The following ALKBH3 variants were observed in gnomAD, a reference collection of about 807,000 sequenced individuals.
ALKBH3 encodes the protein alpha-ketoglutarate-dependent dioxygenase alkB homolog 3.
A neutral mutation model predicts 43.9 loss-of-function variants in ALKBH3; 51 were observed. The ratio of observed to expected loss-of-function variants is 1.16; its 90% CI spans 0.93 to 1.47. The LOEUF is 1.47. Ranked by LOEUF, ALKBH3 falls within the 40% of genes most tolerant of loss-of-function variation. The probability of loss-of-function intolerance (pLI) is 0.00; values close to 1 mark genes in which losing one functional copy is unlikely to be tolerated. For synonymous variants in ALKBH3, 102 were observed against 115.2 expected (o/e 0.89, Z 0.73); for missense variants, 361 against 351.9 (o/e 1.03, Z -0.21).
intron 8 of ALKBH3, among the ~76,000 whole-genome samples, chr11:43,902,023 C>T (rs111611629): frequency 6.6e-6 from 1 of 152,134 alleles, no homozygotes; most frequent in Non-Finnish European, 1.5e-5. Context: ...TAAATATTGC[C>T]TATTACTCAA....
intron 7 of ALKBH3, among the ~76,000 whole-genome samples, chr11:43,892,373 C>T (rs988644551): frequency 6.6e-6 from 1 of 152,170 alleles, no homozygotes; most frequent in Non-Finnish European, 1.5e-5. Context: ...TATTTCTTCT[C>T]CTAATATCCC....
intron 8 of ALKBH3, among the ~76,000 whole-genome samples, chr11:43,918,236 G>T (rs1377070174): frequency 1.3e-5 from 2 of 152,184 alleles, no homozygotes; most frequent in African/African-American, 2.4e-5. Context: ...AGCTGTGGAG[G>T]AGCCACACTA....
intron 8 of ALKBH3, among the ~76,000 whole-genome samples, chr11:43,914,223 T>A (rs1212274937): frequency 6.6e-6 from 1 of 152,244 alleles, no homozygotes; most frequent in Non-Finnish European, 1.5e-5. Context: ...GCCGGGCCAA[T>A]CTACATTCAA....
chr11:43,915,391 A>G (rs1951975606), intron 8 of ALKBH3, among the ~76,000 whole-genome samples: 1 of 152,116 alleles, frequency 6.6e-6, no homozygotes, highest in Admixed American at 6.5e-5. Flanking sequence ...TCAAGAAAGC[A>G]GTTTGGTAAT....
intron 8 of ALKBH3, among the ~76,000 whole-genome samples, chr11:43,908,694 G>C (rs180996437): frequency 6.6e-6 from 1 of 152,156 alleles, no homozygotes; most frequent in Non-Finnish European, 1.5e-5. Flanking sequence ...CTCAAATTCG[G>C]TAACTTCTTA....
At chr11:43,919,603 A>T (rs1952010917) in intron 9 of ALKBH3, 2 of 324,056 alleles carry the variant, frequency 6.2e-6, no homozygotes, top group Non-Finnish European at 1.1e-5. Context: ...ATGGAATCTC[A>T]TGCCTCTCTT....
At chr11:43,882,823 T>C in intron 2 of ALKBH3, 92 bp downstream of exon 2, 1 of 1,322,968 alleles carries the variant, frequency 7.6e-7, no homozygotes, top group Non-Finnish European at 1.0e-6. Context: ...TGGACTTCCA[T>C]TTCAATTGAC....
intron 7 of ALKBH3, among the ~76,000 whole-genome samples, chr11:43,900,317 G>A (rs1054802117): frequency 6.3e-5 from 9 of 143,424 alleles, no homozygotes; most frequent in South Asian, 4.6e-4. Flanking sequence ...TCCGCCTCCC[G>A]GGTTCAAGTG....
chr11:43,916,392 A>T (rs1590383112), intron 8 of ALKBH3, among the ~76,000 whole-genome samples: 2 of 152,298 alleles, frequency 1.3e-5, no homozygotes, highest in South Asian at 2.1e-4. Context: ...ATAAAAATAC[A>T]TGTTTTTCGC....
chr11:43,914,191 G>A (rs1202550244), intron 8 of ALKBH3, among the ~76,000 whole-genome samples: 1 of 152,248 alleles, frequency 6.6e-6, no homozygotes, highest in African/African-American at 2.4e-5. Flanking sequence ...GCAGAGTATA[G>A]TGGAAAGAAT....
In ALKBH3 at chr11:43,916,037, T is replaced by C. The variant is rs61884013; in HGVS notation, c.670-3001T>C. Among the ~76,000 whole-genome samples the C allele has an allele frequency of 7.4e-3, 1,135 of 152,364 alleles. 6 individuals are homozygous for C. The highest frequency in any genetic ancestry group is 0.012 in the Non-Finnish European group (832 of 68,036). On this transcript the variant is annotated intron_variant, in intron 8 of 9. Coordinates refer to ENST00000302708, the MANE Select transcript of ALKBH3 (RefSeq NM_139178.4). ...CTTTTTATATTCTAGAAGGAAAACCTGTATGATGATTTTAAAGCATTGATG... is the reference window on the plus strand; with the variant it reads ...CTTTTTATATTCTAGAAGGAAAACCCGTATGATGATTTTAAAGCATTGATG...
chr11:43,885,811 T>A (rs988395702), intron 4 of ALKBH3, among the ~76,000 whole-genome samples: 5 of 152,142 alleles, frequency 3.3e-5, no homozygotes, highest in African/African-American at 1.2e-4. Flanking sequence ...TTGTACATCA[T>A]GAAAAAATAG....
chr11:43,895,646 T>A (rs1437062201), intron 7 of ALKBH3, among the ~76,000 whole-genome samples: 2 of 152,138 alleles, frequency 1.3e-5, no homozygotes, highest in Admixed American at 1.3e-4. Flanking sequence ...CATGAAACCT[T>A]TTTTGGGAAT....
In ALKBH3 at chr11:43,883,112, A is replaced by G; in HGVS notation, c.107A>G (p.Gln36Arg). Reference sequence around the variant, plus strand: ...ACCACTGCTAAGAGCCATCTCCACCAGAAGCCTGGCCAGACCTGGAAGAAC... The same window carrying G: ...ACCACTGCTAAGAGCCATCTCCACCGGAAGCCTGGCCAGACCTGGAAGAAC... The part of the protein sequence containing the change: ...PATTAKSHLH[Q>R]KPGQTWKNKE... Residue 36 changes from glutamine to arginine, a missense_variant, in exon 3 of 10, where the codon CAG (glutamine) becomes CGG (arginine). Coordinates refer to ENST00000302708, the MANE Select transcript of ALKBH3 (RefSeq NM_139178.4). The G allele has an allele frequency of 6.2e-7, 1 of 1,614,124 alleles. No individual in the cohort carries two copies. Among genetic ancestry groups the G allele is most frequent in the Non-Finnish European group, 8.5e-7 (1 of 1,180,012 alleles).
intron 1 of ALKBH3, chr11:43,881,385 C>T (rs1951709927): frequency 6.6e-6 from 1 of 152,168 alleles, no homozygotes; most frequent in Admixed American, 6.5e-5. Context: ...GCTCTGGAAT[C>T]TATTTTCAAC....
intron 7 of ALKBH3, among the ~76,000 whole-genome samples, chr11:43,900,940 G>A (rs775568574): frequency 6.6e-6 from 1 of 152,138 alleles, no homozygotes; most frequent in Non-Finnish European, 1.5e-5. Context: ...TCATTCTTTA[G>A]AAAAGAATGT....
intron 7 of ALKBH3, among the ~76,000 whole-genome samples, chr11:43,896,658 A>C (rs1422866950): frequency 6.6e-6 from 1 of 152,172 alleles, no homozygotes; most frequent in Non-Finnish European, 1.5e-5. Context: ...GTATCCTTCA[A>C]TCCAATCAAG....
chr11:43,898,639 C>T (rs921555177), intron 7 of ALKBH3: 30 of 730,364 alleles, frequency 4.1e-5, no homozygotes, highest in Admixed American at 2.7e-4. Flanking sequence ...GGTGAACATG[C>T]GCCACTTATG....
At chr11:43,883,062 G>A (rs769962911) in intron 2 of ALKBH3, 23 bp from the exon 3 acceptor site, 16 of 1,601,674 alleles carry the variant, frequency 1.0e-5, no homozygotes, top group Admixed American at 3.3e-5. Flanking sequence ...CCTGGTTTGA[G>A]GCTGTCCCCT....
Sources: allele counts gnomAD v4.1 joint callset (sites outside exome capture counted in the v4.1 genomes callset), GRCh38; gene constraint gnomAD v4.1.1; transcripts MANE v1.5; gene names NCBI Gene and HGNC (gene_info 2026-07-23, HGNC 2026-07-21).